Variants in STAG1 observed in about 807,000 individuals in gnomAD.
STAG1 encodes the protein cohesin subunit SA-1.
STAG1 carries 26 observed loss-of-function variants against 170.9 expected under a neutral mutation model. The ratio of observed to expected loss-of-function variants is 0.15; its 90% CI spans 0.11 to 0.21. STAG1 has a LOEUF of 0.21. STAG1 is among the 10% of genes least tolerant of loss of function. The probability of loss-of-function intolerance (pLI) is 1.00; values close to 1 mark genes in which losing one functional copy is unlikely to be tolerated. For missense variants in STAG1, 964 were observed against 1,509.5 expected (o/e 0.64, Z 5.99); for synonymous variants, 514 against 497.7 (o/e 1.03, Z -0.44).
chr3:136,485,661 G>A (rs1405268142), intron 9 of STAG1, among the ~76,000 whole-genome samples: 4 of 152,104 alleles, frequency 2.6e-5, no homozygotes, highest in South Asian at 2.1e-4. Flanking sequence ...TCCTATATAC[G>A]TCTGATACAT....
intron 6 of STAG1, among the ~76,000 whole-genome samples, chr3:136,534,465 G>A (rs905092352): frequency 1.3e-5 from 2 of 152,012 alleles, no homozygotes; most frequent in African/African-American, 2.4e-5. Flanking sequence ...ACAACAGAGT[G>A]AAGAGACAAC....
chr3:136,469,866 C>G (rs9757777), intron 12 of STAG1, among the ~76,000 whole-genome samples: 115,836 of 152,072 alleles, frequency 0.76, 44,196 homozygotes, highest in East Asian at 0.86. Flanking sequence ...ACAAACCTGA[C>G]AAAAACAAGC....
At chr3:136,341,781 ATC>A (rs1935979466) in intron 30 of STAG1, among the ~76,000 whole-genome samples, 2 of 152,212 alleles carry the variant, frequency 1.3e-5, no homozygotes, top group South Asian at 4.1e-4. Context: ...TATCAACCAA[ATC>A]TCTGCCAAAC....
chr3:136,672,806 T>C (rs1329846324), intron 1 of STAG1, among the ~76,000 whole-genome samples: 2 of 152,180 alleles, frequency 1.3e-5, no homozygotes, highest in Non-Finnish European at 2.9e-5. Context: ...GTTCATATTT[T>C]AAAATATAAC....
chr3:136,543,571 A>G (rs1936006876), intron 5 of STAG1, among the ~76,000 whole-genome samples: 2 of 152,096 alleles, frequency 1.3e-5, no homozygotes, highest in Admixed American at 1.3e-4. Context: ...AAGTCATCCT[A>G]GAGTGGCTCA....
chr3:136,502,815 C>A, intron 7 of STAG1, 36 bp from the exon 8 acceptor site: 1 of 1,475,976 alleles, frequency 6.8e-7, no homozygotes, highest in South Asian at 1.5e-5. Flanking sequence ...ACCTATGAAT[C>A]AAAACTTTAT....
At chr3:136,392,781 A>G (rs901852774) in intron 22 of STAG1, among the ~76,000 whole-genome samples, 37 of 151,040 alleles carry the variant, frequency 2.4e-4, no homozygotes, top group East Asian at 1.4e-3. Flanking sequence ...AAAAAAAAAA[A>G]AAAAGAAAAG....
chr3:136,494,328 T>G (rs1017153057), intron 9 of STAG1, among the ~76,000 whole-genome samples: 1 of 152,090 alleles, frequency 6.6e-6, no homozygotes, highest in African/African-American at 2.4e-5. Context: ...GATATATAAA[T>G]TGAATCAGTA....
At chr3:136,629,497 A>G (rs1012812574) in intron 2 of STAG1, among the ~76,000 whole-genome samples, 3 of 152,148 alleles carry the variant, frequency 2.0e-5, no homozygotes, top group African/African-American at 4.8e-5. Context: ...ATATGTTCAT[A>G]TATTTATATA....
chr3:136,491,366 A>G (rs902830805), intron 9 of STAG1, among the ~76,000 whole-genome samples: 3 of 152,186 alleles, frequency 2.0e-5, no homozygotes, highest in Non-Finnish European at 4.4e-5. Context: ...AGGTCCGTCC[A>G]TATCTTTTTA....
chr3:136,533,183 A>G (rs1935460736), intron 6 of STAG1, among the ~76,000 whole-genome samples: 1 of 152,186 alleles, frequency 6.6e-6, no homozygotes, highest in Non-Finnish European at 1.5e-5. Context: ...TAAAAGATCT[A>G]GAAATAAAGC....
intron 4 of STAG1, among the ~76,000 whole-genome samples, chr3:136,583,409 T>G (rs1018606573): frequency 3.3e-5 from 5 of 152,312 alleles, no homozygotes; most frequent in Middle Eastern, 6.8e-3. Context: ...CATGAATTTT[T>G]TTAATGTTAT....
intron 22 of STAG1, among the ~76,000 whole-genome samples, chr3:136,392,455 TAAAG>T (rs2087033946): frequency 6.6e-6 from 1 of 151,790 alleles, no homozygotes. Context: ...ACAAATATAT[TAAAG>T]AAAAAGCACT....
intron 5 of STAG1, among the ~76,000 whole-genome samples, chr3:136,567,108 CTTA>C (rs1937108777): frequency 6.6e-6 from 1 of 152,134 alleles, no homozygotes; most frequent in Non-Finnish European, 1.5e-5. Context: ...GCAAAGACTT[CTTA>C]TTATACAACT....
At chr3:136,667,888 T>C (rs994382379) in intron 1 of STAG1, among the ~76,000 whole-genome samples, 1 of 152,080 alleles carries the variant, frequency 6.6e-6, no homozygotes, top group Non-Finnish European at 1.5e-5. Context: ...CAGTTCAGGT[T>C]CTCTAGAAAG....
At chr3:136,499,614 C>T (rs78844604) in intron 9 of STAG1, among the ~76,000 whole-genome samples, 17 of 152,246 alleles carry the variant, frequency 1.1e-4, no homozygotes, top group Admixed American at 5.2e-4. Flanking sequence ...GTAAAATATG[C>T]TCTTTTACAA....
chr3:136,601,856 A>T (rs1171162962), intron 4 of STAG1, among the ~76,000 whole-genome samples: 1 of 152,096 alleles, frequency 6.6e-6, no homozygotes, highest in African/African-American at 2.4e-5. Context: ...AAGTTTCAGC[A>T]GAAAAGACAC....
At chr3:136,707,814 A>G (rs1943268829) in intron 1 of STAG1, among the ~76,000 whole-genome samples, 1 of 152,214 alleles carries the variant, frequency 6.6e-6, no homozygotes, top group Admixed American at 6.5e-5. Context: ...CACTCACTAC[A>G]GTGAGAACAG....
intron 22 of STAG1, among the ~76,000 whole-genome samples, chr3:136,397,514 T>A: frequency 6.6e-6 from 1 of 152,070 alleles, no homozygotes; most frequent in East Asian, 1.9e-4. Context: ...AAAAGCTAAG[T>A]CATAAACTTT....
Sources: allele counts gnomAD v4.1 joint callset (sites outside exome capture counted in the v4.1 genomes callset), GRCh38; gene constraint gnomAD v4.1.1; transcripts MANE v1.5; gene names NCBI Gene and HGNC (gene_info 2026-07-23, HGNC 2026-07-21).